Variants in KMT2D observed in about 807,000 individuals in gnomAD.
KMT2D encodes lysine methyltransferase 2D.
A neutral mutation model predicts 512.7 loss-of-function variants in KMT2D; 55 were observed. That is an observed-to-expected ratio of 0.11 (90% confidence interval 0.09 to 0.13). The LOEUF is 0.13. KMT2D is among the 10% of genes least tolerant of loss of function. The probability of loss-of-function intolerance (pLI) is 1.00; values close to 1 mark genes in which losing one functional copy is unlikely to be tolerated. For missense variants in KMT2D, 6,061 were observed against 7,127.9 expected (o/e 0.85, Z 5.39); for synonymous variants, 2,995 against 2,904.0 (o/e 1.03, Z -1.01).
intron 6 of KMT2D, 74 bp downstream of exon 6, chr12:49,053,904 C>T (rs1169517938): frequency 2.0e-6 from 3 of 1,481,592 alleles, no homozygotes; most frequent in African/African-American, 1.4e-5. Flanking sequence ...TTGATCAGTG[C>T]TCTGTAGAGT....
At position 49,043,683 on chromosome 12, in the gene KMT2D, T is replaced by C. The variant is rs2120571848; in HGVS notation, c.5419A>G (p.Lys1807Glu). ...PSFGLGTPKA[K>E]GDGGSERKEL... is the part of the protein sequence containing the mutation. ...TTCCTTTCTGAGCCTCCATCTCCCT[T>C]GGCTTTTGGGGTCCCTAGTCCAAAG... The change falls in exon 24 of 55, where the codon AAG (lysine) becomes GAG (glutamate). Residue 1807 changes from lysine to glutamate, a missense_variant. By Grantham distance (56) the Lys-to-Glu change is moderately conservative. Transcript: ENST00000301067. 2 of 1,614,044 alleles carry C rather than the reference T, an allele frequency of 1.2e-6. No homozygotes were observed. The highest frequency in any genetic ancestry group is 1.7e-6 in the Non-Finnish European group (2 of 1,179,888).
chr12:49,041,116 A>G lies in KMT2D; in HGVS notation c.6654T>C (p.Pro2218=), dbSNP rs1450146709. ...GGAATTCCCCTGGCTGGCCAGCCCC[A>G]GGACGAGATGAGGCGCCCAGCATCG... ...QPPMLGASSR[P]GAGQPGEFHT... The change falls in exon 32 of 55, where the codon CCT becomes CCC. Residue 2218 remains proline (P), a synonymous_variant. Coordinates refer to ENST00000301067, the MANE Select transcript of KMT2D (RefSeq NM_003482.4). This position sits in a 1 kb window ranked among gnomAD's most constrained non-coding sequence, Gnocchi z 5.4. 3 of 1,529,310 alleles carry G rather than the reference A, an allele frequency of 2.0e-6. No individual in the cohort carries two copies. 94.7% of individuals were successfully genotyped at this position (1,529,310 alleles called of 1,614,324 possible). A position where few individuals can be genotyped will look rare whatever the true frequency, so the allele number is the denominator to read the frequency against.
intron 43 of KMT2D, 124 bp from the exon 44 acceptor site, chr12:49,029,600 C>T: frequency 1.5e-6 from 1 of 688,954 alleles, no homozygotes; most frequent in South Asian, 1.9e-5. Flanking sequence ...GTCCTCCCAC[C>T]TACCAGTTTG....
Position 49,039,189 on chromosome 12 carries a change from G to C in KMT2D, c.8366+33C>G. 2.5e-6 allele frequency: 4 copies of C among 1,611,254 alleles called. No individual in the cohort carries two copies. The highest frequency in any genetic ancestry group is 3.4e-6 in the Non-Finnish European group (4 of 1,178,732). ...AACAGTGATAAAATCCATCCCCCTT[G>C]GTTTACCCCCAGGGAACCTCCTGGA... On this transcript the variant is annotated intron_variant, in intron 34 of 54. Coordinates refer to ENST00000301067, the MANE Select transcript of KMT2D (RefSeq NM_003482.4). This position sits in a 1 kb window ranked among gnomAD's most constrained non-coding sequence, Gnocchi z 5.0.
chr12:49,044,252 C>T lies in KMT2D; in HGVS notation c.5136G>A (p.Lys1712=), dbSNP rs2120580317. ...RQRKSHTRTK[K]GPAAQAEVLS... ...ACACCTCCGCCTGTGCAGCAGGCCC[C>T]TTTTTCGTGCGTGTGTGGGATTTCC... The change falls in exon 22 of 55, where the codon AAG becomes AAA. Residue 1712 remains lysine (K), a synonymous_variant. Transcript: ENST00000301067. The surrounding 1 kb of genome is among the most constrained non-coding windows in gnomAD (Gnocchi z 6.4). 1.2e-6 allele frequency: 2 copies of T among 1,612,942 alleles called. No individual in the cohort carries two copies.
In KMT2D at chr12:49,039,717, A is replaced by C. The variant is rs2120515082; in HGVS notation, c.8046+7T>G. On this transcript the variant is annotated splice_region_variant and intron_variant, in intron 32 of 54. Transcript: ENST00000301067. This position sits in a 1 kb window ranked among gnomAD's most constrained non-coding sequence, Gnocchi z 5.0. ...ATAGGGGGCTTAGCTCCAGGGTGTCAACTTACCTGCCGTTGCTTCTCCAGC... is the reference window on the plus strand; with the variant it reads ...ATAGGGGGCTTAGCTCCAGGGTGTCCACTTACCTGCCGTTGCTTCTCCAGC... The C allele has an allele frequency of 1.9e-6, 3 of 1,611,174 alleles. No homozygotes were observed. The highest frequency in any genetic ancestry group is 2.2e-5 in the East Asian group (1 of 44,862).
In KMT2D at chr12:49,051,439, C is replaced by T. The variant is rs772953595; in HGVS notation, c.2244G>A (p.Glu748=). 24 of 1,612,960 alleles carry T rather than the reference C, an allele frequency of 1.5e-5. No individual in the cohort carries two copies. The highest frequency in any genetic ancestry group is 1.9e-5 in the Non-Finnish European group (22 of 1,179,396). ...SEGPHLSPRP[E]EPHLSPRPEE... ...CAGGCCGGGGGGACAGGTGCGGCTC[C>T]TCAGGCCGGGGTGACAGGTGCGGCC... is the stretch of plus-strand genomic sequence containing the variant. The change falls in exon 11 of 55, where the codon GAG becomes GAA. Residue 748 remains glutamate (E), a synonymous_variant. Coordinates refer to ENST00000301067, the MANE Select transcript of KMT2D (RefSeq NM_003482.4).
chr12:49,047,840 C>T, intron 15 of KMT2D, 125 bp downstream of exon 15: 1 of 661,082 alleles, frequency 1.5e-6, no homozygotes, highest in East Asian at 2.8e-5. Flanking sequence ...TTGATAACCA[C>T]TGGTGACTAA....
At position 49,054,784 on chromosome 12, in the gene KMT2D, G is replaced by T. The variant is rs1254805495; in HGVS notation, c.177-33C>A. Reference sequence around the variant, plus strand: ...CACACAAGCATCAGTACCACGCCAGGCCCCCAGCAACCCCATGATCTGGCA... The same window carrying T: ...CACACAAGCATCAGTACCACGCCAGTCCCCCAGCAACCCCATGATCTGGCA... On this transcript the variant is annotated intron_variant, in intron 3 of 54. Coordinates refer to ENST00000301067, the MANE Select transcript of KMT2D (RefSeq NM_003482.4). This position sits in a 1 kb window ranked among gnomAD's most constrained non-coding sequence, Gnocchi z 6.4. The T allele has an allele frequency of 1.2e-6, 2 of 1,607,708 alleles. No homozygotes were observed. Among genetic ancestry groups the T allele is most frequent in the East Asian group, 2.2e-5 (1 of 44,740 alleles).
chr12:49,039,321 A>G lies in KMT2D; in HGVS notation c.8267T>C (p.Leu2756Pro). The stretch of plus-strand genomic sequence containing the variant: ...CCCTGGCCCCAGGATGGGGCCACTC[A>G]GCTTGCTTGGGGGCAACCCCACAAG... The part of the protein sequence containing the change: ...SSLVGLPPSK[L>P]SGPILGPGSF... The change falls in exon 34 of 55, where the codon CTG (leucine) becomes CCG (proline). Residue 2756 changes from leucine to proline, a missense_variant. Around this residue, in one of 16 missense-constraint regions of KMT2D, gnomAD observed 527 missense variants for 578.9 expected, o/e 0.91. Transcript: ENST00000301067. This position sits in a 1 kb window ranked among gnomAD's most constrained non-coding sequence, Gnocchi z 5.0. 6.2e-7 allele frequency: 1 copy of G among 1,613,542 alleles called. No individual in the cohort carries two copies. The highest frequency in any genetic ancestry group is 2.2e-5 in the East Asian group (1 of 44,870).
rs373469160 is a variant in KMT2D at position 49,040,225 on chromosome 12, G to A, written c.7545C>T (p.Pro2515=). 169 of 1,613,050 alleles carry A rather than the reference G, an allele frequency of 1.0e-4. No individual in the cohort carries two copies. The highest frequency in any genetic ancestry group is 4.0e-5 in the African/African-American group (3 of 75,008). The change falls in exon 32 of 55, where the codon CCC becomes CCT. Residue 2515 remains proline (P), a synonymous_variant. Coordinates refer to ENST00000301067, the MANE Select transcript of KMT2D (RefSeq NM_003482.4). ...ELHAKVPSGQ[P]PNFVRSPGTG... is the part of the protein sequence containing the mutation. ...TCCCAGGGGACCGGACAAAATTGGG[G>A]GGCTGCCCACTTGGGACCTTGGCAT...
chr12:49,031,079 G>C (rs751819000), intron 40 of KMT2D, 46 bp from the exon 41 acceptor site: 26 of 1,611,950 alleles, frequency 1.6e-5, no homozygotes, highest in Non-Finnish European at 2.2e-5. Context: ...CCTCCTCAGA[G>C]CCCTCATCTC....
chr12:49,041,564 T>C lies in KMT2D; in HGVS notation c.6235-29A>G, dbSNP rs2120548931. 6.2e-7 allele frequency: 1 copy of C among 1,612,752 alleles called. No individual in the cohort carries two copies. Among genetic ancestry groups the C allele is most frequent in the Non-Finnish European group, 8.5e-7 (1 of 1,179,302 alleles). ...CAGGGGGAGACCAGGCATAGGGCAGTCAGGCTGCTGCAGGCAGGCCCCATG... is the reference window on the plus strand; with the variant it reads ...CAGGGGGAGACCAGGCATAGGGCAGCCAGGCTGCTGCAGGCAGGCCCCATG... On this transcript the variant is annotated intron_variant, in intron 31 of 54. Transcript: ENST00000301067. This position sits in a 1 kb window ranked among gnomAD's most constrained non-coding sequence, Gnocchi z 5.4.
Position 49,042,041 on chromosome 12 carries a change from A to T in KMT2D, c.6109+48T>A. ...AGAAGACTTGGCAGGCGACTCCTCC[A>T]CCTGCCATGTTGCCAGGCTGTCTCC... On this transcript the variant is annotated intron_variant, in intron 29 of 54. Transcript: ENST00000301067. The surrounding 1 kb of genome is among the most constrained non-coding windows in gnomAD (Gnocchi z 4.4). 6.2e-7 allele frequency: 1 copy of T among 1,610,104 alleles called. No homozygotes were observed. Among genetic ancestry groups the T allele is most frequent in the South Asian group, 1.1e-5 (1 of 90,824 alleles).
rs773392809 is a variant in KMT2D, at chr12:49,024,740, G to A, written c.15922-32C>T. 5 of 1,609,402 alleles carry A rather than the reference G, an allele frequency of 3.1e-6. No homozygotes were observed. Among genetic ancestry groups the A allele is most frequent in the Non-Finnish European group, 4.2e-6 (5 of 1,176,472 alleles). On this transcript the variant is annotated intron_variant, in intron 50 of 54. Transcript: ENST00000301067. The surrounding 1 kb of genome is among the most constrained non-coding windows in gnomAD (Gnocchi z 4.5). ...GCACAGTTCATACTCACCTTAGCCT[G>A]AGTTTTTTTGGGGTTAGGCCAAAGT...
rs765093431 is a variant in KMT2D at position 49,046,806 on chromosome 12, G to A, written c.4237-16C>T. ...CCTTGGTGATCTGGGGCAGAAGATG[G>A]GAACTTCTCAGGGTGTGAGGTGGAA... On this transcript the variant is annotated splice_polypyrimidine_tract_variant and intron_variant, in intron 15 of 54. Coordinates refer to ENST00000301067, the MANE Select transcript of KMT2D (RefSeq NM_003482.4). The surrounding 1 kb of genome is among the most constrained non-coding windows in gnomAD (Gnocchi z 4.2). 1 of 1,606,260 alleles carries A rather than the reference G, an allele frequency of 6.2e-7. No individual in the cohort carries two copies. The highest frequency in any genetic ancestry group is 8.5e-7 in the Non-Finnish European group (1 of 1,174,236).
chr12:49,020,956 T>C lies in KMT2D; in HGVS notation c.*824A>G, dbSNP rs1942293956. On this transcript the variant is annotated 3_prime_UTR_variant, in exon 55 of 55. Coordinates refer to ENST00000301067, the MANE Select transcript of KMT2D (RefSeq NM_003482.4). ...GCCCATAATTAAAAACAAAGATGGA[T>C]TTTTTGTTGTTGTTTTTCTTCCTCC... 1 of 195,166 alleles carries C rather than the reference T, an allele frequency of 5.1e-6. No homozygotes were observed. Among genetic ancestry groups the C allele is most frequent in the Admixed American group, 6.1e-5 (1 of 16,360 alleles). 12.1% of individuals were successfully genotyped at this position (195,166 alleles called of 1,614,324 possible).
At position 49,030,356 on chromosome 12, in the gene KMT2D, G is replaced by A. The variant is rs753898265; in HGVS notation, c.13923C>T (p.Gly4641=). The A allele has an allele frequency of 6.3e-6, 10 of 1,592,828 alleles. No homozygotes were observed. Among genetic ancestry groups the A allele is most frequent in the East Asian group, 2.3e-5 (1 of 43,904 alleles). ...CCCCCAGCTCTTCAGATGGGGTGAC[G>A]CCATTCACCATCTTCTGCTGCACCG... ...PPSVQQKMVN[G]VTPSEELGEH... is the part of the protein sequence containing the mutation. The change falls in exon 43 of 55, where the codon GGC becomes GGT. Residue 4641 remains glycine, a synonymous_variant. Transcript: ENST00000301067.
At chr12:49,036,526 T>C (rs1320841117) in intron 35 of KMT2D, among the ~76,000 whole-genome samples, 1 of 148,594 alleles carries the variant, frequency 6.7e-6, no homozygotes, top group Non-Finnish European at 1.5e-5. Flanking sequence ...TTCGCTCTTG[T>C]TGCCCAGGCT....
Sources: gnomAD v4.1 joint callset for allele counts (sites outside exome capture counted in the v4.1 genomes callset) on GRCh38, gnomAD v4.1.1 for gene constraint, gnomAD v4.1.1 regional missense constraint, Gnocchi (gnomAD v3.1) non-coding constraint, MANE v1.5 for transcripts, NCBI Gene and HGNC (gene_info 2026-07-23, HGNC 2026-07-21) for gene names.